The following SH3RF2 variants were observed in gnomAD, a reference collection of about 807,000 sequenced individuals.
SH3RF2 encodes E3 ubiquitin-protein ligase SH3RF2.
Under a neutral mutation model 59.0 loss-of-function variants are expected in SH3RF2, and 43 were observed. The observed-to-expected ratio is 0.73, with a 90% CI of 0.57 to 0.94. The LOEUF (loss-of-function observed/expected upper bound fraction) is 0.94. Ranked by LOEUF, SH3RF2 falls within the 40% of genes least tolerant of loss-of-function variation. SH3RF2 has a pLI of 0.00. For synonymous variants in SH3RF2, 391 were observed against 391.5 expected (o/e 1.00, Z 0.01); for missense variants, 930 against 940.1 (o/e 0.99, Z 0.14).
At chr5:145,959,997 C>A (rs1386785910) in intron 2 of SH3RF2, among the ~76,000 whole-genome samples, 1 of 152,158 alleles carries the variant, frequency 6.6e-6, no homozygotes, top group Non-Finnish European at 1.5e-5. Flanking sequence ...GCTATTAAAG[C>A]CGGCATTTTC....
chr5:146,029,784 G>C (rs535789862), intron 5 of SH3RF2, among the ~76,000 whole-genome samples: 86 of 152,218 alleles, frequency 5.6e-4, no homozygotes, highest in African/African-American at 1.9e-3. Flanking sequence ...ATGACAGTGT[G>C]TTAAGAAAAG....
At chr5:145,968,648 A>G (rs1215465221) in intron 2 of SH3RF2, among the ~76,000 whole-genome samples, 1 of 152,254 alleles carries the variant, frequency 6.6e-6, no homozygotes, top group Non-Finnish European at 1.5e-5. Context: ...CACTTAATCC[A>G]TCAACATATT....
At chr5:145,995,224 A>G (rs1760100724) in intron 2 of SH3RF2, among the ~76,000 whole-genome samples, 1 of 152,196 alleles carries the variant, frequency 6.6e-6, no homozygotes, top group Non-Finnish European at 1.5e-5. Flanking sequence ...AGAGGAAAAG[A>G]AAACTCCGGA....
intron 9 of SH3RF2, among the ~76,000 whole-genome samples, chr5:146,078,086 T>TA (rs923238812): frequency 9.9e-5 from 15 of 151,916 alleles, no homozygotes; most frequent in African/African-American, 2.4e-4. Flanking sequence ...ATTATGGAAT[T>TA]AAAAAAAATA....
chr5:146,049,008 C>T, intron 6 of SH3RF2, 67 bp from the exon 7 acceptor site: 1 of 1,578,894 alleles, frequency 6.3e-7, no homozygotes, highest in Non-Finnish European at 8.7e-7. Context: ...TCCACCATTC[C>T]CCCACTCCAT....
At chr5:146,055,904 G>A in intron 7 of SH3RF2, 77 bp from the exon 8 acceptor site, 1 of 1,500,568 alleles carries the variant, frequency 6.7e-7, no homozygotes, top group Non-Finnish European at 9.0e-7. Context: ...GGAGCTGATA[G>A]GTTTTTAAAT....
chr5:145,942,356 G>A (rs4912698), intron 2 of SH3RF2, among the ~76,000 whole-genome samples: 15,517 of 152,132 alleles, frequency 0.1, 1,099 homozygotes, highest in East Asian at 0.26. Flanking sequence ...AGTCACACAC[G>A]TTTCTGTCTT....
intron 2 of SH3RF2, among the ~76,000 whole-genome samples, chr5:145,983,029 A>T (rs190194770): frequency 6.6e-6 from 1 of 152,166 alleles, no homozygotes; most frequent in Non-Finnish European, 1.5e-5. Context: ...CTAAAATCCC[A>T]GTTGTAGAAA....
At chr5:145,964,241 CTTCT>C (rs1199624522) in intron 2 of SH3RF2, among the ~76,000 whole-genome samples, 1 of 136,512 alleles carries the variant, frequency 7.3e-6, no homozygotes, top group East Asian at 2.1e-4. Context: ...TTCTTTCTTT[CTTCT>C]TTCTCTTTCT....
chr5:146,076,877 GT>G (rs1763350628), intron 9 of SH3RF2, among the ~76,000 whole-genome samples: 2 of 152,082 alleles, frequency 1.3e-5, no homozygotes, highest in South Asian at 4.1e-4. Context: ...CAAACCGCTT[GT>G]AAGATCTGAC....
Position 146,062,657 on chromosome 5 carries a change from G to A in SH3RF2, c.2146G>A (p.Val716Met), listed in dbSNP as rs768256706. The change falls in exon 10 of 10, where the codon GTG (valine) becomes ATG (methionine). Residue 716 changes from valine to methionine, a missense_variant. Val to Met is a conservative substitution (Grantham distance 21, BLOSUM62 1). Transcript: ENST00000359120. ...KSALGKATTLVSTASGTQTVF... is the reference protein window; with the variant it reads ...KSALGKATTLMSTASGTQTVF... Reference sequence around the variant, plus strand: ...AGCTCTTGGCAAGGCCACAACCCTGGTGTCCACTGCCTCAGGCACGCAGAC... The same window carrying A: ...AGCTCTTGGCAAGGCCACAACCCTGATGTCCACTGCCTCAGGCACGCAGAC... 1 of 1,614,168 alleles carries A rather than the reference G, an allele frequency of 6.2e-7. No homozygotes were observed. Among genetic ancestry groups the A allele is most frequent in the Non-Finnish European group, 8.5e-7 (1 of 1,180,026 alleles).
intron 2 of SH3RF2, among the ~76,000 whole-genome samples, chr5:145,970,661 C>G (rs965173237): frequency 6.6e-6 from 1 of 152,132 alleles, no homozygotes; most frequent in Non-Finnish European, 1.5e-5. Context: ...GAACCATGAG[C>G]CAATAAACTT....
chr5:145,956,645 AT>A (rs1478208481), intron 2 of SH3RF2, among the ~76,000 whole-genome samples: 1 of 152,162 alleles, frequency 6.6e-6, no homozygotes, highest in African/African-American at 2.4e-5. Context: ...AGATATAGAA[AT>A]TATAGACGTA....
chr5:145,971,390 G>A (rs1316657763), intron 2 of SH3RF2, among the ~76,000 whole-genome samples: 2 of 152,242 alleles, frequency 1.3e-5, no homozygotes, highest in Non-Finnish European at 2.9e-5. Context: ...AAAAAGAGAA[G>A]GGACCAGAGC....
downstream of SH3RF2, among the ~76,000 whole-genome samples, chr5:146,067,188 G>T (rs1036234535): frequency 6.6e-5 from 10 of 152,122 alleles, no homozygotes; most frequent in African/African-American, 2.4e-4. Context: ...GTCTTGATGA[G>T]ATGCAGAACT....
At chr5:145,983,826 A>G (rs1360031400) in intron 2 of SH3RF2, among the ~76,000 whole-genome samples, 1 of 152,222 alleles carries the variant, frequency 6.6e-6, no homozygotes, top group African/African-American at 2.4e-5. Flanking sequence ...TACCCACTGG[A>G]AAAACTGGGA....
At chr5:146,064,811 A>AGGAAGGAAGGAAG (rs1491122347), downstream of SH3RF2, among the ~76,000 whole-genome samples, 18 of 14,026 alleles carry the variant, frequency 1.3e-3, no homozygotes, top group South Asian at 5.0e-3. Flanking sequence ...AAGGAAGGAA[A>AGGAAGGAAGGAAG]GAAAGAAAGA....
chr5:145,980,860 A>G (rs1759479303), intron 2 of SH3RF2, among the ~76,000 whole-genome samples: 1 of 152,176 alleles, frequency 6.6e-6, no homozygotes, highest in South Asian at 2.1e-4. Flanking sequence ...CAGCCTCCAC[A>G]ATTATCAACA....
intron 4 of SH3RF2, among the ~76,000 whole-genome samples, chr5:146,010,132 G>C (rs1384797954): frequency 6.6e-6 from 1 of 151,854 alleles, no homozygotes; most frequent in Non-Finnish European, 1.5e-5. Context: ...TGCGGTGTTT[G>C]GTTTTTGGTC....
Sources: allele counts gnomAD v4.1 joint callset (sites outside exome capture counted in the v4.1 genomes callset), GRCh38; gene constraint gnomAD v4.1.1; transcripts MANE v1.5; gene names NCBI Gene and HGNC (gene_info 2026-07-23, HGNC 2026-07-21).